The following DNAJB13 variants were observed in gnomAD, a reference collection of about 807,000 sequenced individuals.
The protein encoded by DNAJB13 is DnaJ heat shock protein family (Hsp40) member B13.
A neutral mutation model predicts 35.6 loss-of-function variants in DNAJB13; 22 were observed. The observed-to-expected ratio is 0.62, with a 90% confidence interval of 0.44 to 0.88. The LOEUF is 0.88. Among genes scored for constraint, DNAJB13 ranks in the 40% least tolerant of loss-of-function variants. DNAJB13 has a pLI of 0.00. For synonymous variants in DNAJB13, 136 were observed against 144.2 expected, an observed-to-expected ratio of 0.94 and a Z score of 0.41; for missense variants, 370 against 384.3, an observed-to-expected ratio of 0.96 and a Z score of 0.31.
intron 1 of DNAJB13, among the ~76,000 whole-genome samples, chr11:73,954,729 G>T (rs1950693139): frequency 6.6e-6 from 1 of 152,126 alleles, no homozygotes; most frequent in Admixed American, 6.5e-5. Context: ...GACGAGGCAG[G>T]AGGATCTCCT....
intron 3 of DNAJB13, among the ~76,000 whole-genome samples, chr11:73,961,915 G>A (rs374255723): frequency 2.6e-5 from 4 of 152,114 alleles, no homozygotes; most frequent in African/African-American, 7.2e-5. Flanking sequence ...TCAGCCACCC[G>A]AGTAGCTGGG....
chr11:73,964,751 T>A, intron 3 of DNAJB13, 127 bp from the exon 4 acceptor site: 1 of 1,069,422 alleles, frequency 9.4e-7, no homozygotes, highest in South Asian at 1.3e-5. Flanking sequence ...GGGGAGCATA[T>A]CTGGATAGGG....
At chr11:73,959,907 C>T (rs551840858) in intron 3 of DNAJB13, 11 of 232,460 alleles carry the variant, frequency 4.7e-5, no homozygotes, top group African/African-American at 2.0e-4. Flanking sequence ...GGACTACAGG[C>T]GCACGCTGCC....
intron 3 of DNAJB13, among the ~76,000 whole-genome samples, chr11:73,961,974 G>A (rs1285702659): frequency 6.6e-6 from 1 of 152,140 alleles, no homozygotes; most frequent in Non-Finnish European, 1.5e-5. Context: ...ATTTTGAGTA[G>A]AGATGGGGTT....
chr11:73,952,752 C>G (rs866056187), intron 1 of DNAJB13, among the ~76,000 whole-genome samples: 1 of 152,156 alleles, frequency 6.6e-6, no homozygotes. Context: ...GGATCAGAAT[C>G]CAGATTCACT....
At chr11:73,953,299 G>A (rs1950631607) in intron 1 of DNAJB13, among the ~76,000 whole-genome samples, 1 of 152,206 alleles carries the variant, frequency 6.6e-6, no homozygotes, top group Non-Finnish European at 1.5e-5. Context: ...GCCGAGGTAG[G>A]CGGATCACGA....
intron 3 of DNAJB13, among the ~76,000 whole-genome samples, chr11:73,962,146 T>G (rs1318234322): frequency 6.6e-6 from 1 of 152,114 alleles, no homozygotes; most frequent in Non-Finnish European, 1.5e-5. Flanking sequence ...TTCCCAGTCT[T>G]TTGCTAATAT....
chr11:73,958,353 G>A lies in DNAJB13; in HGVS notation c.105G>A (p.Lys35=). ...TCGCCCTTAAGCACCACCCGTTGAA[G>A]TCAAATGAGCCGTCTTCAGCAGAGA... ...RRLALKHHPL[K]SNEPSSAEIF... is the part of the protein sequence containing the mutation. The change falls in exon 2 of 8, where the codon AAG becomes AAA. Residue 35 remains lysine, a synonymous_variant. Transcript: ENST00000339764. The A allele has an allele frequency of 6.2e-7, 1 of 1,614,180 alleles. No individual in the cohort carries two copies. The highest frequency in any genetic ancestry group is 8.5e-7 in the Non-Finnish European group (1 of 1,180,030).
intron 3 of DNAJB13, 73 bp downstream of exon 3, chr11:73,959,728 GTT>G: frequency 5.1e-6 from 7 of 1,371,376 alleles, no homozygotes; most frequent in Non-Finnish European, 6.7e-6. Context: ...TCGTTGAGTA[GTT>G]TTGTTTTTAT....
At chr11:73,955,902 CT>C (rs1377678519) in intron 1 of DNAJB13, among the ~76,000 whole-genome samples, 1 of 152,148 alleles carries the variant, frequency 6.6e-6, no homozygotes, top group Non-Finnish European at 1.5e-5. Context: ...GGTAGATATT[CT>C]CTCTGTAAGG....
rs559297688 is a variant in DNAJB13, at chr11:73,968,127, C to G, written c.607-218C>G. The G allele has an allele frequency of 1.2e-5, 7 of 561,460 alleles. 1 individual carries two copies. In the South Asian group the frequency reaches 1.8e-4, roughly 14 times the overall value. The allele number at this position is 561,460 out of a possible 1,614,324, so 34.8% of individuals were successfully genotyped here. ...GCTGAGTGTGTCTATTTTGGGCATGCTCAGTACAGAAGTAATTCTGGGGGG... is the reference window on the plus strand; with the variant it reads ...GCTGAGTGTGTCTATTTTGGGCATGGTCAGTACAGAAGTAATTCTGGGGGG... On this transcript the variant is annotated intron_variant, in intron 5 of 7. Coordinates refer to ENST00000339764, the MANE Select transcript of DNAJB13 (RefSeq NM_153614.4).
chr11:73,955,982 TC>T (rs35680747), intron 1 of DNAJB13, among the ~76,000 whole-genome samples: 11,975 of 152,124 alleles, frequency 0.079, 586 homozygotes, highest in African/African-American at 0.13. Context: ...CAGCTTCCTG[TC>T]CGCAGTAAGA....
At chr11:73,965,967 C>T in intron 4 of DNAJB13, 171 bp from the exon 5 acceptor site, 1 of 633,310 alleles carries the variant, frequency 1.6e-6, no homozygotes, top group Non-Finnish European at 2.8e-6. Flanking sequence ...AGGCTCTCCC[C>T]ATTGCTGGAG....
chr11:73,964,525 C>T, intron 3 of DNAJB13: 2 of 267,278 alleles, frequency 7.5e-6, no homozygotes, highest in Middle Eastern at 1.4e-3. Context: ...CCTCCCTTTC[C>T]TGAGACAGCC....
Position 73,959,645 on chromosome 11 carries a change from C to A in DNAJB13, c.324C>A (p.Asn108Lys). ...TCCACGAGTTCTTTGGTGGAAACAA[C>A]CCCTTCAGTGGTAAGAGGTCTTCCT... The part of the protein sequence containing the change: ...KVFHEFFGGN[N>K]PFSEFFDAEG... Residue 108 changes from asparagine to lysine, a missense_variant, in exon 3 of 8, where the codon AAC becomes AAA. Physicochemically the swap from Asn to Lys is moderately conservative, Grantham distance 94. Transcript: ENST00000339764. 5 of 1,614,000 alleles carry A rather than the reference C, an allele frequency of 3.1e-6. No homozygotes were observed. The highest frequency in any genetic ancestry group is 4.2e-6 in the Non-Finnish European group (5 of 1,179,886).
In DNAJB13 at chr11:73,958,369, T is replaced by G; in HGVS notation, c.121T>G (p.Ser41Ala). ...HHPLKSNEPS[S>A]AEIFRQIAEA... Reference sequence around the variant, plus strand: ...CCCGTTGAAGTCAAATGAGCCGTCTTCAGCAGAGATTTTCAGGCAAATAGC... The same window carrying G: ...CCCGTTGAAGTCAAATGAGCCGTCTGCAGCAGAGATTTTCAGGCAAATAGC... Residue 41 changes from serine (S) to alanine (A), a missense_variant, in exon 2 of 8, where the codon TCA (serine) becomes GCA (alanine). By Grantham distance (99) the Ser-to-Ala change is moderately conservative. Coordinates refer to ENST00000339764, the MANE Select transcript of DNAJB13 (RefSeq NM_153614.4). 1 of 1,614,178 alleles carries G rather than the reference T, an allele frequency of 6.2e-7. No homozygotes were observed. Among genetic ancestry groups the G allele is most frequent in the East Asian group, 2.2e-5 (1 of 44,884 alleles).
chr11:73,951,750 G>A (rs966549148), intron 1 of DNAJB13, among the ~76,000 whole-genome samples: 6 of 152,146 alleles, frequency 3.9e-5, no homozygotes, highest in Admixed American at 1.3e-4. Flanking sequence ...GGGTTCAAGC[G>A]ATTCTTCTGC....
At chr11:73,963,810 G>A (rs1332323682) in intron 3 of DNAJB13, 1 of 152,208 alleles carries the variant, frequency 6.6e-6, no homozygotes, top group African/African-American at 2.4e-5. Flanking sequence ...TTAACCATGA[G>A]AGGCAGAATA....
chr11:73,953,366 G>A (rs1242758528), intron 1 of DNAJB13, among the ~76,000 whole-genome samples: 1 of 152,152 alleles, frequency 6.6e-6, no homozygotes, highest in Admixed American at 6.6e-5. Flanking sequence ...CTCAGACACC[G>A]AGTTGTAGAA....
Sources: allele counts gnomAD v4.1 joint callset (sites outside exome capture counted in the v4.1 genomes callset), GRCh38; gene constraint gnomAD v4.1.1; transcripts MANE v1.5; gene names NCBI Gene and HGNC (gene_info 2026-07-23, HGNC 2026-07-21).